PABPC4L: variants seen among roughly 807,000 people sequenced by gnomAD.
PABPC4L encodes polyadenylate-binding protein 4-like.
For synonymous variants in PABPC4L, 169 were observed against 164.1 expected (o/e 1.03, Z -0.23); for missense variants, 452 against 451.4 (o/e 1.00, Z -0.01).
chr4:134,159,065 TATC>T, the PABPC4L span, among the ~76,000 whole-genome samples: 1 of 152,160 alleles, frequency 6.6e-6, no homozygotes, highest in East Asian at 1.9e-4. Context: ...ATAGGGCACT[TATC>T]ATGAATGAAG....
chr4:134,068,208 A>C, the PABPC4L span, among the ~76,000 whole-genome samples: 1 of 152,166 alleles, frequency 6.6e-6, no homozygotes, highest in African/African-American at 2.4e-5. Context: ...GTGCTCCTAT[A>C]TGCTGGGTGC....
intron 1 of PABPC4L, 102 bp from the exon 2 acceptor site, chr4:134,201,347 C>A (rs1321905895): frequency 1.7e-5 from 20 of 1,203,844 alleles, no homozygotes; most frequent in Non-Finnish European, 2.1e-5. Flanking sequence ...TGAGCATTCT[C>A]CACAGACGCC....
At chr4:134,047,845 ATG>A in the PABPC4L span, among the ~76,000 whole-genome samples, 1 of 149,208 alleles carries the variant, frequency 6.7e-6, no homozygotes, top group Non-Finnish European at 1.5e-5. Context: ...CATGCTTATG[ATG>A]TGTCAGAACA....
chr4:134,136,083 T>C, the PABPC4L span, among the ~76,000 whole-genome samples: 1 of 152,056 alleles, frequency 6.6e-6, no homozygotes, highest in Middle Eastern at 3.2e-3. Flanking sequence ...GAACACTGAG[T>C]ATCATTGCAG....
the PABPC4L span, among the ~76,000 whole-genome samples, chr4:134,181,643 T>G: frequency 2.0e-5 from 3 of 151,976 alleles, no homozygotes; most frequent in South Asian, 2.1e-4. Context: ...GCCCCAAAGC[T>G]CCTAGATATG....
chr4:134,044,115 A>G, the PABPC4L span, among the ~76,000 whole-genome samples: 4 of 151,644 alleles, frequency 2.6e-5, no homozygotes, highest in Admixed American at 6.6e-5. Flanking sequence ...TTTTTTGTAG[A>G]GACAGGGGTT....
chr4:133,950,165 T>C, the PABPC4L span, among the ~76,000 whole-genome samples: 1 of 152,280 alleles, frequency 6.6e-6, no homozygotes, highest in Non-Finnish European at 1.5e-5. Context: ...GCTTCCATTG[T>C]TTGAATCGGT....
the PABPC4L span, among the ~76,000 whole-genome samples, chr4:133,967,767 T>C: frequency 1.3e-5 from 2 of 152,178 alleles, no homozygotes; most frequent in African/African-American, 4.8e-5. Context: ...TATAAGAATG[T>C]AGGCTATGTC....
At chr4:134,074,570 C>T in the PABPC4L span, among the ~76,000 whole-genome samples, 2 of 152,148 alleles carry the variant, frequency 1.3e-5, no homozygotes, top group South Asian at 4.1e-4. Context: ...TTTCTGGTAT[C>T]TTTACAGCTC....
At chr4:134,116,833 A>G in the PABPC4L span, among the ~76,000 whole-genome samples, 7 of 151,850 alleles carry the variant, frequency 4.6e-5, no homozygotes, top group South Asian at 2.1e-4. Flanking sequence ...TTCATCCAGT[A>G]GTTCCTTCAT....
At chr4:134,134,167 C>T in the PABPC4L span, among the ~76,000 whole-genome samples, 2 of 151,878 alleles carry the variant, frequency 1.3e-5, no homozygotes, top group Non-Finnish European at 2.9e-5. Flanking sequence ...TATTCCTTCC[C>T]TTGAATCATC....
chr4:133,997,618 T>C, the PABPC4L span, among the ~76,000 whole-genome samples: 1 of 152,162 alleles, frequency 6.6e-6, no homozygotes, highest in Non-Finnish European at 1.5e-5. Flanking sequence ...ATTAAGAAGA[T>C]GTGTGACTCA....
the PABPC4L span, among the ~76,000 whole-genome samples, chr4:134,068,898 C>T: frequency 4.0e-5 from 6 of 151,818 alleles, no homozygotes; most frequent in East Asian, 1.9e-4. Flanking sequence ...TTAATAGAGA[C>T]GAGGTTTCAC....
chr4:134,121,497 G>A, the PABPC4L span, among the ~76,000 whole-genome samples: 5 of 151,502 alleles, frequency 3.3e-5, no homozygotes, highest in African/African-American at 1.2e-4. Flanking sequence ...AGATGGTTCG[G>A]AGCTAAATTT....
chr4:134,184,303 C>T, the PABPC4L span, among the ~76,000 whole-genome samples: 12 of 151,992 alleles, frequency 7.9e-5, no homozygotes, highest in African/African-American at 2.9e-4. Context: ...GTAAGACACA[C>T]CACTCTGACA....
At chr4:134,028,914 T>C in the PABPC4L span, among the ~76,000 whole-genome samples, 1 of 152,146 alleles carries the variant, frequency 6.6e-6, no homozygotes, top group African/African-American at 2.4e-5. Flanking sequence ...TATCATACTT[T>C]TTCCAAAACC....
At chr4:133,948,569 G>A in the PABPC4L span, among the ~76,000 whole-genome samples, 19,633 of 152,182 alleles carry the variant, frequency 0.13, 2,692 homozygotes, top group East Asian at 0.49. Context: ...TATGGAGAAT[G>A]AGAAGATTGC....
At chr4:134,161,054 T>C in the PABPC4L span, among the ~76,000 whole-genome samples, 1 of 151,934 alleles carries the variant, frequency 6.6e-6, no homozygotes, top group East Asian at 1.9e-4. Flanking sequence ...AAAGAAAGAA[T>C]TCCAAATTCT....
the PABPC4L span, among the ~76,000 whole-genome samples, chr4:134,096,553 A>G: frequency 1.3e-5 from 2 of 151,952 alleles, no homozygotes; most frequent in African/African-American, 4.8e-5. Context: ...TGGGTATTGC[A>G]TATTTACAAT....
Sources: gnomAD v4.1 joint callset for allele counts (sites outside exome capture counted in the v4.1 genomes callset) on GRCh38, gnomAD v4.1.1 for gene constraint, MANE v1.5 for transcripts, NCBI Gene and HGNC (gene_info 2026-07-23, HGNC 2026-07-21) for gene names.